Variants in NCOA2 observed in about 807,000 individuals in gnomAD.
NCOA2 encodes class E basic helix-loop-helix protein 75.
NCOA2 carries 21 observed loss-of-function variants against 145.1 expected under a neutral mutation model. The ratio of observed to expected loss-of-function variants is 0.14; its 90% confidence interval spans 0.10 to 0.21. The LOEUF (loss-of-function observed/expected upper bound fraction) is 0.21, where lower values mean the gene tolerates loss of function less well. NCOA2 is among the 10% of genes least tolerant of loss of function. The pLI, the probability that NCOA2 is intolerant of heterozygous loss-of-function variation, is 1.00. For synonymous variants in NCOA2, 619 were observed against 637.5 expected (o/e 0.97, Z 0.44); for missense variants, 1,472 against 1,837.6 (o/e 0.80, Z 3.64).
intron 2 of NCOA2, among the ~76,000 whole-genome samples, chr8:70,274,495 A>T (rs1453303047): frequency 1.3e-5 from 2 of 152,046 alleles, no homozygotes; most frequent in Admixed American, 6.6e-5. Flanking sequence ...ATTTACAGTT[A>T]TTTTTTTAAA....
intron 2 of NCOA2, among the ~76,000 whole-genome samples, chr8:70,252,338 G>A (rs1449163470): frequency 6.6e-6 from 1 of 152,220 alleles, no homozygotes; most frequent in East Asian, 1.9e-4. Context: ...ATTTTGGGAG[G>A]CTGAGGTCAG....
chr8:70,181,440 T>C (rs1276295300), intron 4 of NCOA2, among the ~76,000 whole-genome samples: 1 of 152,232 alleles, frequency 6.6e-6, no homozygotes, highest in Non-Finnish European at 1.5e-5. Flanking sequence ...TCTGTAATAA[T>C]GCATCTACTG....
At chr8:70,136,192 G>A (rs906674924) in intron 15 of NCOA2, among the ~76,000 whole-genome samples, 1 of 152,074 alleles carries the variant, frequency 6.6e-6, no homozygotes, top group African/African-American at 2.4e-5. Flanking sequence ...TGGCCAACAC[G>A]GCAAAAGCCT....
At chr8:70,443,177 C>A in the NCOA2 span, among the ~76,000 whole-genome samples, 1 of 151,756 alleles carries the variant, frequency 6.6e-6, no homozygotes, top group Non-Finnish European at 1.5e-5. Context: ...TCGGCCTGAG[C>A]AATGAAGTGA....
chr8:70,131,039 C>T lies in NCOA2; in HGVS notation c.3324+798G>A, dbSNP rs191612340. 2.6e-4 allele frequency among the ~76,000 whole-genome samples: 39 copies of T among 152,310 alleles called. 1 individual carries two copies. The highest frequency in any genetic ancestry group is 2.4e-3 in the Admixed American group (37 of 15,302). ...CAACTAATTACTTGGAAGAAGAAAGCTAAATAAGCTCACTAAGATTAGTTA... is the reference window on the plus strand; with the variant it reads ...CAACTAATTACTTGGAAGAAGAAAGTTAAATAAGCTCACTAAGATTAGTTA... On this transcript the variant is annotated intron_variant, in intron 16 of 22. Coordinates refer to ENST00000452400, the MANE Select transcript of NCOA2 (RefSeq NM_006540.4).
At chr8:70,211,405 GCTGAGATCGCGCCA>G (rs1028727425) in intron 4 of NCOA2, among the ~76,000 whole-genome samples, 5 of 151,708 alleles carry the variant, frequency 3.3e-5, no homozygotes, top group African/African-American at 1.2e-4. Context: ...GTTGCAGTGA[GCTGAGATCGCGCCA>G]CTGCACTCCA....
intron 15 of NCOA2, among the ~76,000 whole-genome samples, chr8:70,136,963 C>CA (rs1809803167): frequency 3.3e-5 from 5 of 152,188 alleles, no homozygotes; most frequent in Admixed American, 2.6e-4. Flanking sequence ...ATTGCTTATG[C>CA]AAAAAACCTA....
chr8:70,373,073 C>G (rs768290758), intron 1 of NCOA2, among the ~76,000 whole-genome samples: 1 of 152,130 alleles, frequency 6.6e-6, no homozygotes, highest in Non-Finnish European at 1.5e-5. Flanking sequence ...CTACTAGGAA[C>G]ATTCATGTAA....
intron 12 of NCOA2, among the ~76,000 whole-genome samples, chr8:70,145,839 T>C (rs1811000539): frequency 6.6e-6 from 1 of 151,100 alleles, no homozygotes; most frequent in Non-Finnish European, 1.5e-5. Flanking sequence ...CTATATTGCC[T>C]AAGGTGGTCT....
At chr8:70,160,604 C>A (rs1281841756) in intron 9 of NCOA2, among the ~76,000 whole-genome samples, 5 of 150,356 alleles carry the variant, frequency 3.3e-5, no homozygotes, top group East Asian at 3.9e-4. Flanking sequence ...TGAATAGTTA[C>A]CCCTAAAGCA....
At chr8:70,430,256 T>G in the NCOA2 span, among the ~76,000 whole-genome samples, 1 of 152,192 alleles carries the variant, frequency 6.6e-6, no homozygotes, top group Non-Finnish European at 1.5e-5. Flanking sequence ...TTCCCAAAAT[T>G]TTGAATTTAC....
chr8:70,315,295 A>G (rs1805497999), intron 1 of NCOA2, among the ~76,000 whole-genome samples: 1 of 152,200 alleles, frequency 6.6e-6, no homozygotes. Flanking sequence ...ATTTCCAGCA[A>G]AAACACTTAA....
chr8:70,210,468 TAC>T (rs1395403171), intron 4 of NCOA2, among the ~76,000 whole-genome samples: 2 of 152,214 alleles, frequency 1.3e-5, no homozygotes, highest in African/African-American at 4.8e-5. Context: ...CTCTTGTGTG[TAC>T]TTGCTCTGTT....
At chr8:70,312,243 A>T (rs553723462) in intron 1 of NCOA2, among the ~76,000 whole-genome samples, 1 of 152,348 alleles carries the variant, frequency 6.6e-6, no homozygotes, top group African/African-American at 2.4e-5. Context: ...CTTTAAATCC[A>T]ATGTCATAGT....
chr8:70,276,678 T>G (rs986973741), intron 2 of NCOA2, among the ~76,000 whole-genome samples: 2 of 152,224 alleles, frequency 1.3e-5, no homozygotes, highest in Admixed American at 6.5e-5. Context: ...CCTTCTGCCA[T>G]GACTGTTAAG....
intron 2 of NCOA2, among the ~76,000 whole-genome samples, chr8:70,290,007 C>T (rs1243428410): frequency 6.6e-6 from 1 of 151,788 alleles, no homozygotes; most frequent in Non-Finnish European, 1.5e-5. Context: ...CTAAATGCTA[C>T]CCCTACGTAT....
intron 1 of NCOA2, among the ~76,000 whole-genome samples, chr8:70,372,549 G>A (rs989479035): frequency 1.3e-5 from 2 of 152,108 alleles, no homozygotes; most frequent in Non-Finnish European, 2.9e-5. Flanking sequence ...ATATTGTGTG[G>A]CTAGGAAGTA....
intron 1 of NCOA2, among the ~76,000 whole-genome samples, chr8:70,373,890 T>C (rs2131300112): frequency 6.6e-6 from 1 of 152,352 alleles, no homozygotes; most frequent in South Asian, 2.1e-4. Flanking sequence ...AAGACCACAA[T>C]ACTTTCATTC....
chr8:70,119,561 T>G (rs1244190543), intron 22 of NCOA2, among the ~76,000 whole-genome samples: 1 of 152,232 alleles, frequency 6.6e-6, no homozygotes, highest in Non-Finnish European at 1.5e-5. Context: ...CCTTTCTTCC[T>G]TTGGGTAGAA....
Sources: gnomAD v4.1 joint callset for allele counts (sites outside exome capture counted in the v4.1 genomes callset) on GRCh38, gnomAD v4.1.1 for gene constraint, MANE v1.5 for transcripts, NCBI Gene and HGNC (gene_info 2026-07-23, HGNC 2026-07-21) for gene names.